The following TSPAN5 variants were observed in gnomAD, a reference collection of about 807,000 sequenced individuals.
TSPAN5 encodes the protein tetraspanin-5.
TSPAN5 carries 10 observed loss-of-function variants against 37.1 expected under a neutral mutation model. The observed-to-expected ratio is 0.27, with a 90% CI of 0.17 to 0.46. The LOEUF (loss-of-function observed/expected upper bound fraction) is 0.46. Among genes scored for constraint, TSPAN5 ranks in the 20% least tolerant of loss-of-function variants. The probability of loss-of-function intolerance (pLI) is 1.00; values close to 1 mark genes in which losing one functional copy is unlikely to be tolerated. For synonymous variants in TSPAN5, 110 were observed against 118.9 expected, an observed-to-expected ratio of 0.93 and a Z score of 0.48; for missense variants, 195 against 326.6, an observed-to-expected ratio of 0.60 and a Z score of 3.11.
At chr4:98,585,673 T>C (rs1755471600) in intron 1 of TSPAN5, among the ~76,000 whole-genome samples, 1 of 152,222 alleles carries the variant, frequency 6.6e-6, no homozygotes, top group Non-Finnish European at 1.5e-5. Flanking sequence ...AGTGGGAACA[T>C]GTAGTATTTT....
At chr4:98,495,686 G>T (rs530367546) in intron 2 of TSPAN5, among the ~76,000 whole-genome samples, 1 of 151,976 alleles carries the variant, frequency 6.6e-6, no homozygotes, top group Admixed American at 6.6e-5. Context: ...CTTGAAAGAG[G>T]TTTCTATGCA....
intron 1 of TSPAN5, among the ~76,000 whole-genome samples, chr4:98,603,611 C>G (rs1199899145): frequency 1.3e-5 from 2 of 152,202 alleles, no homozygotes; most frequent in Non-Finnish European, 2.9e-5. Flanking sequence ...GCTTACCTAT[C>G]AGGCAGGAAC....
At chr4:98,528,271 GTTA>G (rs1754006998) in intron 1 of TSPAN5, among the ~76,000 whole-genome samples, 1 of 152,122 alleles carries the variant, frequency 6.6e-6, no homozygotes, top group African/African-American at 2.4e-5. Flanking sequence ...GTTGACATAA[GTTA>G]TTATTTATTA....
intron 1 of TSPAN5, among the ~76,000 whole-genome samples, chr4:98,526,528 A>G (rs1364268754): frequency 1.3e-5 from 2 of 152,236 alleles, no homozygotes; most frequent in Non-Finnish European, 2.9e-5. Flanking sequence ...TGATGGCACA[A>G]TGGAGTTCAT....
rs371663084 is a variant in TSPAN5 at position 98,609,130 on chromosome 4, G to GA, written c.81+49015dup. Reference sequence around the variant, plus strand: ...GGAATGGATGCAAAAAAAATGAAAAGAAAAAAAACCCAACAGCTACCACCA... The same window carrying GA: ...GGAATGGATGCAAAAAAAATGAAAAGAAAAAAAAACCCAACAGCTACCACCA... On this transcript the variant is annotated intron_variant, in intron 1 of 7. Coordinates refer to ENST00000305798, the MANE Select transcript of TSPAN5 (RefSeq NM_005723.4). 5.7e-4 allele frequency among the ~76,000 whole-genome samples: 87 copies of GA among 151,718 alleles called. 1 individual carries two copies. Among genetic ancestry groups the GA allele is most frequent in the Admixed American group, 2.4e-3 (36 of 15,266 alleles).
At chr4:98,607,194 T>C (rs1756058092) in intron 1 of TSPAN5, among the ~76,000 whole-genome samples, 2 of 152,192 alleles carry the variant, frequency 1.3e-5, no homozygotes, top group African/African-American at 4.8e-5. Context: ...CAGAGTGTAA[T>C]CTTGCACTGC....
intron 1 of TSPAN5, among the ~76,000 whole-genome samples, chr4:98,649,961 A>G (rs1472179952): frequency 6.6e-6 from 1 of 152,192 alleles, no homozygotes; most frequent in Non-Finnish European, 1.5e-5. Flanking sequence ...GAACCCTGAC[A>G]TGCTCTTCAA....
chr4:98,497,420 G>A (rs1010064939), intron 2 of TSPAN5, among the ~76,000 whole-genome samples: 4 of 151,750 alleles, frequency 2.6e-5, no homozygotes, highest in Admixed American at 1.3e-4. Context: ...GAGGGCCCTC[G>A]CCAGGAACTG....
Position 98,470,900 on chromosome 4 carries a change from T to G in TSPAN5, c.*1622A>C, listed in dbSNP as rs1035770620. ...AGTATTCTAGCTGGCTGCCCAGTTA[T>G]GTGCTGGCAAATCTGTCCGCACCGA... On this transcript the variant is annotated 3_prime_UTR_variant, in exon 8 of 8. Transcript: ENST00000305798. The G allele has an allele frequency of 5.3e-5, 8 of 152,370 alleles. No individual in the cohort carries two copies. Among genetic ancestry groups the G allele is most frequent in the African/African-American group, 1.7e-4 (7 of 41,584 alleles). The allele number at this position is 152,370 out of a possible 1,614,324, so 9.4% of individuals were successfully genotyped here. A position where few individuals can be genotyped will look rare whatever the true frequency, so the allele number is the denominator to read the frequency against.
At position 98,472,013 on chromosome 4, in the gene TSPAN5, T is replaced by C. The variant is rs1560502710; in HGVS notation, c.*509A>G. On this transcript the variant is annotated 3_prime_UTR_variant, in exon 8 of 8. Transcript: ENST00000305798. ...GTTGTTTTCTTCTTCAGATGAGAGT[T>C]GCAAGTGTTTCCTAAAATGTACATG... 1 of 152,306 alleles carries C rather than the reference T, an allele frequency of 6.6e-6. No homozygotes were observed. Among genetic ancestry groups the C allele is most frequent in the African/African-American group, 2.4e-5 (1 of 41,424 alleles). 9.4% of individuals were successfully genotyped at this position (152,306 alleles called of 1,614,324 possible).
At chr4:98,600,651 G>C (rs1184480518) in intron 1 of TSPAN5, among the ~76,000 whole-genome samples, 3 of 152,068 alleles carry the variant, frequency 2.0e-5, no homozygotes, top group Admixed American at 2.0e-4. Flanking sequence ...TAGTTCTCTT[G>C]CTATCTGTAT....
At chr4:98,519,792 G>A (rs1005974680) in intron 1 of TSPAN5, among the ~76,000 whole-genome samples, 6 of 152,352 alleles carry the variant, frequency 3.9e-5, no homozygotes, top group African/African-American at 1.2e-4. Context: ...GGGCTGGACA[G>A]CAGTTGGCTC....
intron 3 of TSPAN5, chr4:98,484,678 C>T: frequency 2.3e-6 from 1 of 433,356 alleles, no homozygotes; most frequent in South Asian, 1.7e-5. Context: ...ATTAAGGGGA[C>T]TGAGCAGGTG....
chr4:98,503,189 G>A, intron 2 of TSPAN5, among the ~76,000 whole-genome samples: 1 of 152,012 alleles, frequency 6.6e-6, no homozygotes, highest in Non-Finnish European at 1.5e-5. Flanking sequence ...GTAACCAGTT[G>A]GGTCTGCAAC....
intron 1 of TSPAN5, among the ~76,000 whole-genome samples, chr4:98,598,899 C>T (rs867317446): frequency 2.4e-4 from 36 of 152,238 alleles, no homozygotes; most frequent in African/African-American, 7.9e-4. Flanking sequence ...GGAAAATGCA[C>T]CAGAAAGTAA....
intron 1 of TSPAN5, among the ~76,000 whole-genome samples, chr4:98,635,511 T>A (rs190430955): frequency 6.6e-6 from 1 of 152,328 alleles, no homozygotes; most frequent in Non-Finnish European, 1.5e-5. Flanking sequence ...CCATATGACA[T>A]GACAGCTTGT....
intron 1 of TSPAN5, among the ~76,000 whole-genome samples, chr4:98,631,266 C>G (rs1331624066): frequency 6.6e-6 from 1 of 152,146 alleles, no homozygotes; most frequent in Non-Finnish European, 1.5e-5. Flanking sequence ...GAGAGCACCC[C>G]CTACAGACAA....
chr4:98,617,083 C>T (rs1383069117), intron 1 of TSPAN5, among the ~76,000 whole-genome samples: 1 of 151,980 alleles, frequency 6.6e-6, no homozygotes, highest in Middle Eastern at 3.2e-3. Flanking sequence ...CTTGGCCTCC[C>T]AAAATACTGG....
At chr4:98,545,063 G>A (rs191104275) in intron 1 of TSPAN5, among the ~76,000 whole-genome samples, 3 of 152,244 alleles carry the variant, frequency 2.0e-5, no homozygotes, top group Admixed American at 6.5e-5. Context: ...CTCCGTGACC[G>A]ACAGTGGCAA....
Sources: allele counts gnomAD v4.1 joint callset (sites outside exome capture counted in the v4.1 genomes callset), GRCh38; gene constraint gnomAD v4.1.1; transcripts MANE v1.5; gene names NCBI Gene and HGNC (gene_info 2026-07-23, HGNC 2026-07-21).